Variants in EXT2 observed in about 807,000 individuals in gnomAD.
The protein encoded by EXT2 is exostosin-2.
Under a neutral mutation model 81.6 loss-of-function variants are expected in EXT2, and 53 were observed. The ratio of observed to expected loss-of-function variants is 0.65; its 90% CI spans 0.52 to 0.82. The LOEUF is 0.82. Ranked by LOEUF, EXT2 falls within the 40% of genes least tolerant of loss-of-function variation. The pLI, the probability that EXT2 is intolerant of heterozygous loss-of-function variation, is 0.00. For synonymous variants in EXT2, 320 were observed against 340.0 expected, an observed-to-expected ratio of 0.94 and a Z score of 0.65; for missense variants, 774 against 910.2, an observed-to-expected ratio of 0.85 and a Z score of 1.93.
intron 8 of EXT2, among the ~76,000 whole-genome samples, chr11:44,192,217 G>T (rs183865770): frequency 5.3e-5 from 8 of 152,068 alleles, no homozygotes; most frequent in Admixed American, 5.2e-4. Flanking sequence ...TCTTTGGCCA[G>T]CCCTCTCCTG....
Position 44,248,097 on chromosome 11 carries a change from C to G in EXT2, c.*3810C>G, listed in dbSNP as rs1956110768. Among the ~76,000 whole-genome samples the G allele has an allele frequency of 6.6e-6, 1 of 152,172 alleles. No individual in the cohort carries two copies. The highest frequency in any genetic ancestry group is 2.1e-4 in the South Asian group (1 of 4,818). On this transcript the variant is annotated 3_prime_UTR_variant, in exon 14 of 14. Transcript: ENST00000533608. ...TGGAGACTTCCCATCAGCCACCCAT[C>G]ATGAGCCTGGTGTGTTTCCTTTGCT...
intron 4 of EXT2, among the ~76,000 whole-genome samples, chr11:44,122,963 G>A (rs954901917): frequency 6.6e-6 from 1 of 152,178 alleles, no homozygotes; most frequent in African/African-American, 2.4e-5. Flanking sequence ...TAGGGAGTCT[G>A]CTGGTTCCTT....
At chr11:44,097,078 T>G (rs1953908658) in intron 1 of EXT2, among the ~76,000 whole-genome samples, 3 of 152,248 alleles carry the variant, frequency 2.0e-5, no homozygotes, top group South Asian at 2.1e-4. Flanking sequence ...TGTGTAATAT[T>G]GGGCCAGGTA....
chr11:44,240,492 G>A (rs1956024232), intron 13 of EXT2, among the ~76,000 whole-genome samples: 4 of 152,144 alleles, frequency 2.6e-5, no homozygotes, highest in Non-Finnish European at 2.9e-5. Flanking sequence ...GGAGTTCAAG[G>A]CAGTATCACT....
At chr11:44,165,934 C>T (rs1954988520) in intron 7 of EXT2, among the ~76,000 whole-genome samples, 1 of 152,200 alleles carries the variant, frequency 6.6e-6, no homozygotes, top group Non-Finnish European at 1.5e-5. Flanking sequence ...GATTGTGATT[C>T]TGCTCCTTAA....
At chr11:44,107,530 G>T (rs1954071705) in intron 1 of EXT2, among the ~76,000 whole-genome samples, 153 bp from the exon 2 acceptor site, 1 of 152,124 alleles carries the variant, frequency 6.6e-6, no homozygotes, top group Non-Finnish European at 1.5e-5. Context: ...GTTGCAGTGA[G>T]CTGAGATTGC....
At chr11:44,213,805 A>G (rs1249459185) in intron 10 of EXT2, among the ~76,000 whole-genome samples, 2 of 152,234 alleles carry the variant, frequency 1.3e-5, no homozygotes, top group Non-Finnish European at 2.9e-5. Flanking sequence ...GGGACTGAAG[A>G]AATATTTGAA....
intron 1 of EXT2, chr11:44,104,573 C>T (rs1049541590): frequency 6.6e-6 from 1 of 152,206 alleles, no homozygotes; most frequent in Non-Finnish European, 1.5e-5. Context: ...GTGGTGGGGC[C>T]AAGGAATCTG....
chr11:44,134,829 A>AG (rs1458632427), intron 7 of EXT2, among the ~76,000 whole-genome samples: 2 of 152,202 alleles, frequency 1.3e-5, no homozygotes, highest in Non-Finnish European at 2.9e-5. Flanking sequence ...GGAAGTCAGG[A>AG]GCCTGACTTG....
At chr11:44,191,299 C>T (rs1351449429) in intron 8 of EXT2, among the ~76,000 whole-genome samples, 1 of 152,204 alleles carries the variant, frequency 6.6e-6, no homozygotes, top group East Asian at 1.9e-4. Context: ...GCATTTTGGC[C>T]AAAGGCCAGC....
intron 7 of EXT2, among the ~76,000 whole-genome samples, chr11:44,138,649 T>C (rs1291407599): frequency 2.0e-5 from 3 of 152,150 alleles, no homozygotes; most frequent in African/African-American, 7.2e-5. Flanking sequence ...AGTTGTTGCA[T>C]AAAATGTATT....
chr11:44,240,108 A>G (rs1432503421), intron 13 of EXT2, among the ~76,000 whole-genome samples: 1 of 152,186 alleles, frequency 6.6e-6, no homozygotes, highest in Non-Finnish European at 1.5e-5. Context: ...TTTTTTCCAG[A>G]TATCTTTGAT....
At chr11:44,207,908 C>T (rs1955603020) in intron 10 of EXT2, among the ~76,000 whole-genome samples, 1 of 151,936 alleles carries the variant, frequency 6.6e-6, no homozygotes, top group Non-Finnish European at 1.5e-5. Context: ...CTCAAGTTTT[C>T]CTAGGTTTTT....
At chr11:44,190,534 C>T (rs1185828217) in intron 8 of EXT2, among the ~76,000 whole-genome samples, 1 of 152,112 alleles carries the variant, frequency 6.6e-6, no homozygotes, top group Non-Finnish European at 1.5e-5. Context: ...TATAGGTTGA[C>T]TCAAATATCT....
rs927091376 is a variant in EXT2, at chr11:44,244,600, A to G, written c.*313A>G. The G allele has an allele frequency of 1.4e-5, 6 of 434,032 alleles. No individual in the cohort carries two copies. Among genetic ancestry groups the G allele is most frequent in the African/African-American group, 9.8e-5 (5 of 51,100 alleles). 26.9% of individuals were successfully genotyped at this position (434,032 alleles called of 1,614,324 possible). A position where few individuals can be genotyped will look rare whatever the true frequency, so the allele number is the denominator to read the frequency against. On this transcript the variant is annotated 3_prime_UTR_variant, in exon 14 of 14. Coordinates refer to ENST00000533608, the MANE Select transcript of EXT2 (RefSeq NM_207122.2). ...TGAGGCTCCCTTTGTTTTCAGTTCC[A>G]TGTAACAATCTGGAAGGAAACTTCA... is the stretch of plus-strand genomic sequence containing the variant.
At chr11:44,224,580 G>A (rs1242210444) in intron 10 of EXT2, among the ~76,000 whole-genome samples, 3 of 152,010 alleles carry the variant, frequency 2.0e-5, no homozygotes, top group Non-Finnish European at 4.4e-5. Context: ...AAGAGATTAT[G>A]GGATTTAAGC....
chr11:44,119,124 TTATATATA>T (rs200249806), intron 4 of EXT2, among the ~76,000 whole-genome samples: 379 of 25,624 alleles, frequency 0.015, 7 homozygotes, highest in South Asian at 0.096. Flanking sequence ...ATTTGGCTAT[TTATATATA>T]TATATATATA....
chr11:44,195,838 T>C (rs934176872), intron 8 of EXT2, among the ~76,000 whole-genome samples: 1 of 152,260 alleles, frequency 6.6e-6, no homozygotes, highest in African/African-American at 2.4e-5. Context: ...AACATATGAA[T>C]ATGAATGTAA....
chr11:44,174,763 A>G (rs1955133223), intron 8 of EXT2, among the ~76,000 whole-genome samples: 1 of 152,218 alleles, frequency 6.6e-6, no homozygotes, highest in Admixed American at 6.5e-5. Context: ...ACAATGTTAA[A>G]TCATGATTTG....
Sources: allele counts gnomAD v4.1 joint callset (sites outside exome capture counted in the v4.1 genomes callset), GRCh38; gene constraint gnomAD v4.1.1; transcripts MANE v1.5; gene names NCBI Gene and HGNC (gene_info 2026-07-23, HGNC 2026-07-21).